GJC2: variants seen among roughly 807,000 people sequenced by gnomAD.
GJC2 encodes the protein gap junction protein gamma 2, also known as gap junction gamma-2 protein.
For synonymous variants in GJC2, 336 were observed against 307.5 expected (o/e 1.09, Z -0.97); for missense variants, 647 against 648.9 (o/e 1.00, Z 0.03).
Position 228,158,156 on chromosome 1 carries a change from C to T in GJC2, c.398C>T (p.Ala133Val). 7.4e-7 allele frequency: 1 copy of T among 1,343,044 alleles called. No homozygotes were observed. The highest frequency in any genetic ancestry group is 9.5e-7 in the Non-Finnish European group (1 of 1,051,502). The allele number at this position is 1,343,044 out of a possible 1,614,324, so 83.2% of individuals were successfully genotyped here. Residue 133 changes from alanine to valine, a missense_variant, in exon 2 of 2, where the codon GCC becomes GTC. Transcript: ENST00000366714. The surrounding 1 kb of genome is among the most constrained non-coding windows in gnomAD (Gnocchi z 8.3). Reference protein sequence around the residue: ...APRAHLPPPHAGWPEPADLGE... With the variant: ...APRAHLPPPHVGWPEPADLGE... The stretch of plus-strand genomic sequence containing the variant: ...CGAGCGCACCTGCCGCCCCCGCACG[C>T]CGGCTGGCCTGAGCCCGCCGACCTG...
chr1:228,157,741 A>AACCCCCCCCCCCCCCCC lies in GJC2; in HGVS notation c.-18_-17insACCCCCCCCCCCCCCCC. ...GCTGACCCCTACCCCGCCCCACAGG[A>AACCCCCCCCCCCCCCCC]CCCGCCCGCCCGCCCCTATGACCAA... On this transcript the variant is annotated splice_region_variant and 5_prime_UTR_variant, in exon 2 of 2. Transcript: ENST00000366714. The AACCCCCCCCCCCCCCCC allele has an allele frequency of 2.8e-6, 1 of 354,470 alleles. No homozygotes were observed. The highest frequency in any genetic ancestry group is 8.9e-5 in the East Asian group (1 of 11,226). The allele number at this position is 354,470 out of a possible 1,614,324, so 22.0% of individuals were successfully genotyped here.
rs1415641892 is a variant in GJC2 at position 228,150,546 on chromosome 1, C to G, written c.-20+539C>G. On this transcript the variant is annotated intron_variant, in intron 1 of 1. Coordinates refer to ENST00000366714, the MANE Select transcript of GJC2 (RefSeq NM_020435.4). This position sits in a 1 kb window ranked among gnomAD's most constrained non-coding sequence, Gnocchi z 4.6. ...GGCCCAGCCTAGGTCTGAAGCCCAG[C>G]AGACCCTGTGGTCAAGGATCCAACC... Among the ~76,000 whole-genome samples, 1 of 152,222 alleles carries G rather than the reference C, an allele frequency of 6.6e-6. No individual in the cohort carries two copies. The highest frequency in any genetic ancestry group is 1.9e-4 in the East Asian group (1 of 5,192).
At position 228,158,336 on chromosome 1, in the gene GJC2, G is replaced by A; in HGVS notation, c.578G>A (p.Gly193Asp). 6.4e-7 allele frequency: 1 copy of A among 1,568,680 alleles called. No homozygotes were observed. Among genetic ancestry groups the A allele is most frequent in the Middle Eastern group, 1.8e-4 (1 of 5,572 alleles). The change falls in exon 2 of 2, where the codon GGC becomes GAC. Residue 193 changes from glycine to aspartate, a missense_variant. Coordinates refer to ENST00000366714, the MANE Select transcript of GJC2 (RefSeq NM_020435.4). This position sits in a 1 kb window ranked among gnomAD's most constrained non-coding sequence, Gnocchi z 8.3. ...GACGGCAAGGCGGCAGGGACCCCGG[G>A]CCCGACCGGGCAACACGATGGGCGG... is the stretch of plus-strand genomic sequence containing the variant. Reference protein sequence around the residue: ...GADGKAAGTPGPTGQHDGRRR... With the variant: ...GADGKAAGTPDPTGQHDGRRR...
chr1:228,159,368 G>A lies in GJC2; in HGVS notation c.*290G>A, dbSNP rs2034740582. The A allele has an allele frequency of 4.4e-6, 2 of 453,018 alleles. No individual in the cohort carries two copies. The highest frequency in any genetic ancestry group is 3.1e-5 in the South Asian group (1 of 31,752). The allele number at this position is 453,018 out of a possible 1,614,324, so 28.1% of individuals were successfully genotyped here. On this transcript the variant is annotated 3_prime_UTR_variant, in exon 2 of 2. Transcript: ENST00000366714. This position sits in a 1 kb window ranked among gnomAD's most constrained non-coding sequence, Gnocchi z 4.0. ...GGCATTGACTCCACCCCTGTCCTGAGCTGGAATAGGTCCTCTGGGATGCCA... is the reference window on the plus strand; with the variant it reads ...GGCATTGACTCCACCCCTGTCCTGAACTGGAATAGGTCCTCTGGGATGCCA...
chr1:228,157,233 G>T (rs917725276), intron 1 of GJC2, among the ~76,000 whole-genome samples: 18 of 149,604 alleles, frequency 1.2e-4, no homozygotes, highest in African/African-American at 4.6e-4. Flanking sequence ...GGGGATTGTG[G>T]ACTGGTGGCA....
Position 228,158,857 on chromosome 1 carries a change from C to A in GJC2, c.1099C>A (p.Arg367Ser), listed in dbSNP as rs1380775420. 2 of 1,477,790 alleles carry A rather than the reference C, an allele frequency of 1.4e-6. No homozygotes were observed. Among genetic ancestry groups the A allele is most frequent in the Non-Finnish European group, 1.8e-6 (2 of 1,120,676 alleles). The allele number at this position is 1,477,790 out of a possible 1,614,324, so 91.5% of individuals were successfully genotyped here. A position where few individuals can be genotyped will look rare whatever the true frequency, so the allele number is the denominator to read the frequency against. The change falls in exon 2 of 2, where the codon CGC becomes AGC. Residue 367 changes from arginine to serine, a missense_variant. Coordinates refer to ENST00000366714, the MANE Select transcript of GJC2 (RefSeq NM_020435.4). This position sits in a 1 kb window ranked among gnomAD's most constrained non-coding sequence, Gnocchi z 8.3. ...ALRDGAAAGD[R>S]DRDSSPCVGL... Reference sequence around the variant, plus strand: ...GCGCGACGGGGCAGCGGCTGGGGACCGCGACCGGGACAGTTCGCCGTGCGT... The same window carrying A: ...GCGCGACGGGGCAGCGGCTGGGGACAGCGACCGGGACAGTTCGCCGTGCGT...
Position 228,159,370 on chromosome 1 carries a change from T to G in GJC2, c.*292T>G, listed in dbSNP as rs1000192269. 2.3e-6 allele frequency: 1 copy of G among 444,092 alleles called. No individual in the cohort carries two copies. The highest frequency in any genetic ancestry group is 4.0e-5 in the Admixed American group (1 of 24,864). The allele number at this position is 444,092 out of a possible 1,614,324, so 27.5% of individuals were successfully genotyped here. A position where few individuals can be genotyped will look rare whatever the true frequency, so the allele number is the denominator to read the frequency against. On this transcript the variant is annotated 3_prime_UTR_variant, in exon 2 of 2. Transcript: ENST00000366714. The surrounding 1 kb of genome is among the most constrained non-coding windows in gnomAD (Gnocchi z 4.0). ...CATTGACTCCACCCCTGTCCTGAGC[T>G]GGAATAGGTCCTCTGGGATGCCAGC... is the stretch of plus-strand genomic sequence containing the variant.
chr1:228,153,625 C>A (rs1036862357), intron 1 of GJC2, among the ~76,000 whole-genome samples: 3 of 149,652 alleles, frequency 2.0e-5, no homozygotes, highest in Non-Finnish European at 4.4e-5. Context: ...ACTCTGTTGC[C>A]CCAGCTAAGT....
In GJC2 at chr1:228,151,310, C is replaced by T. The variant is rs983474852; in HGVS notation, c.-20+1303C>T. Among the ~76,000 whole-genome samples, 11 of 152,184 alleles carry T rather than the reference C, an allele frequency of 7.2e-5. No individual in the cohort carries two copies. The highest frequency in any genetic ancestry group is 1.0e-4 in the Non-Finnish European group (7 of 68,036). On this transcript the variant is annotated intron_variant, in intron 1 of 1. Coordinates refer to ENST00000366714, the MANE Select transcript of GJC2 (RefSeq NM_020435.4). The surrounding 1 kb of genome is among the most constrained non-coding windows in gnomAD (Gnocchi z 5.4). ...CGCTCCTCAGTGTCCCCTCACTCCC[C>T]TGACATTCCTGAGCGCCACACCCAT... is the stretch of plus-strand genomic sequence containing the variant.
Position 228,159,213 on chromosome 1 carries a change from G to A in GJC2, c.*135G>A. 1 of 1,058,372 alleles carries A rather than the reference G, an allele frequency of 9.4e-7. No individual in the cohort carries two copies. The highest frequency in any genetic ancestry group is 1.5e-5 in the South Asian group (1 of 64,698). 65.6% of individuals were successfully genotyped at this position (1,058,372 alleles called of 1,614,324 possible). The stretch of plus-strand genomic sequence containing the variant: ...CTCTGCCCAGAGGGGCAGCCAGGCT[G>A]CTCAGGGAAGGGGCTGAAAGCGGCA... On this transcript the variant is annotated 3_prime_UTR_variant, in exon 2 of 2. Coordinates refer to ENST00000366714, the MANE Select transcript of GJC2 (RefSeq NM_020435.4). The surrounding 1 kb of genome is among the most constrained non-coding windows in gnomAD (Gnocchi z 4.0).
chr1:228,157,224 G>C (rs1248939885), intron 1 of GJC2, among the ~76,000 whole-genome samples: 1 of 152,302 alleles, frequency 6.6e-6, no homozygotes, highest in Non-Finnish European at 1.5e-5. Context: ...AGGGGCTATG[G>C]GGATTGTGGA....
Position 228,157,957 on chromosome 1 carries a change from T to C in GJC2, c.199T>C (p.Cys67Arg). 1 of 1,612,720 alleles carries C rather than the reference T, an allele frequency of 6.2e-7. No homozygotes were observed. Among genetic ancestry groups the C allele is most frequent in the Non-Finnish European group, 8.5e-7 (1 of 1,179,856 alleles). ...GCGGCAGCCAGGCTGCGACAACGTC[T>C]GCTATGACGCCTTCGCGCCCCTGTC... ...NTRQPGCDNV[C>R]YDAFAPLSHV... The change falls in exon 2 of 2, where the codon TGC (cysteine) becomes CGC (arginine). Residue 67 changes from cysteine to arginine, a missense_variant. Cys to Arg is a radical substitution (Grantham distance 180, BLOSUM62 -3). Transcript: ENST00000366714.
In GJC2 at chr1:228,159,492, C is replaced by T. The variant is rs1369816217; in HGVS notation, c.*414C>T. ...GGGTGCGGGGGTGCGTGTCCCCATT[C>T]CCTGCAACAGCAAATGGGGCTCCTT... On this transcript the variant is annotated 3_prime_UTR_variant, in exon 2 of 2. Transcript: ENST00000366714. The surrounding 1 kb of genome is among the most constrained non-coding windows in gnomAD (Gnocchi z 4.0). The T allele has an allele frequency of 2.6e-5, 5 of 194,936 alleles. No homozygotes were observed. The South Asian group carries it at 5.3e-4, about 21-fold the overall frequency. 12.1% of individuals were successfully genotyped at this position (194,936 alleles called of 1,614,324 possible).
chr1:228,155,806 T>C (rs943033511), intron 1 of GJC2, among the ~76,000 whole-genome samples: 20 of 152,188 alleles, frequency 1.3e-4, no homozygotes, highest in Admixed American at 5.9e-4. Context: ...TTTCCTCAGC[T>C]GAATCAAGGA....
Position 228,159,235 on chromosome 1 carries a change from G to A in GJC2, c.*157G>A, listed in dbSNP as rs45491398. 0.074 allele frequency: 64,864 copies of A among 872,978 alleles called. 2,971 individuals are homozygous for A. The highest frequency in any genetic ancestry group is 0.094 in the Non-Finnish European group (53,000 of 566,528). The allele number at this position is 872,978 out of a possible 1,614,324, so 54.1% of individuals were successfully genotyped here. On this transcript the variant is annotated 3_prime_UTR_variant, in exon 2 of 2. Coordinates refer to ENST00000366714, the MANE Select transcript of GJC2 (RefSeq NM_020435.4). The surrounding 1 kb of genome is among the most constrained non-coding windows in gnomAD (Gnocchi z 4.0). Reference sequence around the variant, plus strand: ...GCTGCTCAGGGAAGGGGCTGAAAGCGGCAGAGGAGTGCCCTGGCTTGGTCA... The same window carrying A: ...GCTGCTCAGGGAAGGGGCTGAAAGCAGCAGAGGAGTGCCCTGGCTTGGTCA...
intron 1 of GJC2, among the ~76,000 whole-genome samples, chr1:228,153,938 T>C (rs1253819111): frequency 1.3e-5 from 2 of 152,102 alleles, no homozygotes; most frequent in African/African-American, 2.4e-5. Flanking sequence ...GGCATGTGCC[T>C]GTAGTCCCAG....
Position 228,151,268 on chromosome 1 carries a change from C to T in GJC2, c.-20+1261C>T, listed in dbSNP as rs546006833. Among the ~76,000 whole-genome samples the T allele has an allele frequency of 8.1e-4, 124 of 152,250 alleles. No individual in the cohort carries two copies. Among genetic ancestry groups the T allele is most frequent in the African/African-American group, 2.7e-3 (114 of 41,558 alleles). On this transcript the variant is annotated intron_variant, in intron 1 of 1. Transcript: ENST00000366714. This position sits in a 1 kb window ranked among gnomAD's most constrained non-coding sequence, Gnocchi z 5.4. Reference sequence around the variant, plus strand: ...TGGCAAGGCCTGGGGATCCCACAGACTCATACCTCCACACCACGCTCCTCA... The same window carrying T: ...TGGCAAGGCCTGGGGATCCCACAGATTCATACCTCCACACCACGCTCCTCA...
chr1:228,150,209 C>A lies in GJC2; in HGVS notation c.-20+202C>A, dbSNP rs530112837. On this transcript the variant is annotated intron_variant, in intron 1 of 1. Transcript: ENST00000366714. This position sits in a 1 kb window ranked among gnomAD's most constrained non-coding sequence, Gnocchi z 4.6. ...CACGCAGATGGTGGGGTGGCCCCCC[C>A]ACTCCATGTCTGTGTCCTTCAGGCC... Among the ~76,000 whole-genome samples the A allele has an allele frequency of 5.3e-5, 8 of 152,290 alleles. No individual in the cohort carries two copies. Among genetic ancestry groups the A allele is most frequent in the South Asian group, 4.1e-4 (2 of 4,830 alleles).
rs552268202 is a variant in GJC2, at chr1:228,159,253, C to T, written c.*175C>T. On this transcript the variant is annotated 3_prime_UTR_variant, in exon 2 of 2. Coordinates refer to ENST00000366714, the MANE Select transcript of GJC2 (RefSeq NM_020435.4). The surrounding 1 kb of genome is among the most constrained non-coding windows in gnomAD (Gnocchi z 4.0). ...TGAAAGCGGCAGAGGAGTGCCCTGG[C>T]TTGGTCACCACTGGGGCCAAGGTGG... 1 of 746,802 alleles carries T rather than the reference C, an allele frequency of 1.3e-6. No individual in the cohort carries two copies. The highest frequency in any genetic ancestry group is 2.8e-5 in the Admixed American group (1 of 35,332). The allele number at this position is 746,802 out of a possible 1,614,324, so 46.3% of individuals were successfully genotyped here.
Sources: allele counts gnomAD v4.1 joint callset (sites outside exome capture counted in the v4.1 genomes callset), GRCh38; gene constraint gnomAD v4.1.1; non-coding constraint Gnocchi (gnomAD v3.1); transcripts MANE v1.5; gene names NCBI Gene and HGNC (gene_info 2026-07-23, HGNC 2026-07-21).